C2: variants seen among roughly 807,000 people sequenced by gnomAD.
C2 encodes the protein complement C2, also known as C3/C5 convertase.
In C2, 64 loss-of-function variants were observed where a neutral mutation model predicts 85.2. The ratio of observed to expected loss-of-function variants is 0.75; its 90% CI spans 0.61 to 0.92. C2 has a LOEUF of 0.92. C2 is among the 40% of genes least tolerant of loss of function. C2 has a pLI of 0.00. For synonymous variants in C2, 311 were observed against 370.8 expected, an observed-to-expected ratio of 0.84 and a Z score of 1.85; for missense variants, 820 against 971.6, an observed-to-expected ratio of 0.84 and a Z score of 2.07.
In C2 at chr6:31,933,895, C is replaced by T. The variant is rs1413798391; in HGVS notation, c.645C>T (p.Asp215=). Residue 215 remains aspartate (D), a synonymous_variant, in exon 5 of 18, where the codon GAC becomes GAT. Coordinates refer to ENST00000299367, the MANE Select transcript of C2 (RefSeq NM_000063.6). ...RQPYSYDFPE[D]VAPALGTSFS... is the part of the protein sequence containing the mutation. The stretch of plus-strand genomic sequence containing the variant: ...CCTACTCTTATGACTTCCCTGAGGA[C>T]GTGGCCCCTGCCCTGGGCACTTCCT... 14 of 1,614,046 alleles carry T rather than the reference C, an allele frequency of 8.7e-6. No homozygotes were observed. Among genetic ancestry groups the T allele is most frequent in the African/African-American group, 2.7e-5 (2 of 74,942 alleles).
At chr6:31,917,895 G>T (rs1364861343), upstream of C2, among the ~76,000 whole-genome samples, 1 of 152,016 alleles carries the variant, frequency 6.6e-6, no homozygotes, top group East Asian at 1.9e-4. Context: ...GACACAAAGA[G>T]ACTCTATCTG....
In C2 at chr6:31,944,041, G is replaced by T; in HGVS notation, c.1810+48G>T. ...CTTGAGAGCTGGGGCCGGGGTTTGG[G>T]GGTGATAACAAGGACTAGGCTGCAG... On this transcript the variant is annotated intron_variant, in intron 14 of 17. Coordinates refer to ENST00000299367, the MANE Select transcript of C2 (RefSeq NM_000063.6). This position sits in a 1 kb window ranked among gnomAD's most constrained non-coding sequence, Gnocchi z 5.1. The T allele has an allele frequency of 1.2e-6, 2 of 1,604,382 alleles. No individual in the cohort carries two copies. The highest frequency in any genetic ancestry group is 1.7e-6 in the Non-Finnish European group (2 of 1,172,176).
At chr6:31,900,277 C>T (rs754946559), upstream of C2, 1 of 1,613,388 alleles carries the variant, frequency 6.2e-7, no homozygotes, top group African/African-American at 1.3e-5. This position sits in a 1 kb window ranked among gnomAD's most constrained non-coding sequence, Gnocchi z 9.7. Context: ...TCTCCACGCC[C>T]TGGAACACTT....
upstream of C2, among the ~76,000 whole-genome samples, chr6:31,923,230 G>A (rs563848681): frequency 5.9e-5 from 9 of 152,326 alleles, no homozygotes; most frequent in Admixed American, 5.2e-4. Flanking sequence ...TTCCACATTC[G>A]ACTGGGCCTC....
chr6:31,928,140 T>C lies in C2; in HGVS notation c.232T>C (p.Ser78Pro), dbSNP rs1203850452. ...GQWQTPGATR[S>P]LSKAVCKPVR... Reference sequence around the variant, plus strand: ...GTGGCAGACCCCAGGAGCCACCCGGTCTCTGTCTAAGGCGGTCTGCAAACG... The same window carrying C: ...GTGGCAGACCCCAGGAGCCACCCGGCCTCTGTCTAAGGCGGTCTGCAAACG... The change falls in exon 2 of 18, where the codon TCT becomes CCT. Residue 78 changes from serine (S) to proline (P), a missense_variant. By Grantham distance (74) the Ser-to-Pro change is moderately conservative. Coordinates refer to ENST00000299367, the MANE Select transcript of C2 (RefSeq NM_000063.6). 1 of 1,611,866 alleles carries C rather than the reference T, an allele frequency of 6.2e-7. No individual in the cohort carries two copies. Among genetic ancestry groups the C allele is most frequent in the South Asian group, 1.1e-5 (1 of 90,952 alleles).
chr6:31,935,881 G>C lies in C2; in HGVS notation c.850-42G>C, dbSNP rs1770365085. On this transcript the variant is annotated intron_variant, in intron 6 of 17. Transcript: ENST00000299367. This position sits in a 1 kb window ranked among gnomAD's most constrained non-coding sequence, Gnocchi z 4.3. ...TTGCTCTCTTACCATCTCCCCTTTG[G>C]CTTCAGGGCCCTTTACGCTGCCTCT... 4.3e-6 allele frequency: 7 copies of C among 1,610,466 alleles called. No individual in the cohort carries two copies. The highest frequency in any genetic ancestry group is 5.9e-6 in the Non-Finnish European group (7 of 1,179,226).
chr6:31,901,256 G>A, intron 1 of C2: 1 of 1,612,816 alleles, frequency 6.2e-7, no homozygotes, highest in Non-Finnish European at 8.5e-7. Context: ...TAGCGTTGCG[G>A]CCTCGTGGCC....
intron 7 of C2, 41 bp downstream of exon 7, chr6:31,936,102 A>C: frequency 6.2e-7 from 1 of 1,608,472 alleles, no homozygotes; most frequent in Middle Eastern, 1.7e-4. Context: ...AGAGGAGAAG[A>C]TGGACCCTCT....
In C2 at chr6:31,944,818, G is replaced by A; in HGVS notation, c.1994G>A (p.Cys665Tyr). The A allele has an allele frequency of 6.2e-7, 1 of 1,613,106 alleles. No individual in the cohort carries two copies. The highest frequency in any genetic ancestry group is 1.1e-5 in the South Asian group (1 of 91,086). Residue 665 changes from cysteine to tyrosine, a missense_variant, in exon 16 of 18, where the codon TGC becomes TAC. Coordinates refer to ENST00000299367, the MANE Select transcript of C2 (RefSeq NM_000063.6). The surrounding 1 kb of genome is among the most constrained non-coding windows in gnomAD (Gnocchi z 5.1). ...GAGGTGGTGACAGACCAGTTCCTAT[G>A]CAGTGGGACCCAGGAGGATGAGAGT... ...VREVVTDQFL[C>Y]SGTQEDESPC...
chr6:31,931,985 G>A (rs9267686), intron 3 of C2, among the ~76,000 whole-genome samples: 8 of 121,936 alleles, frequency 6.6e-5, no homozygotes, highest in East Asian at 3.0e-4. Flanking sequence ...CTGGCCGGGC[G>A]GGGGGCTGAC....
upstream of C2, among the ~76,000 whole-genome samples, chr6:31,918,258 C>A (rs191611995): frequency 6.6e-6 from 1 of 151,682 alleles, no homozygotes; most frequent in African/African-American, 2.4e-5. Context: ...GCACTCCAGC[C>A]TGGGCAACAA....
At chr6:31,919,669 G>C (rs1768827673), upstream of C2, among the ~76,000 whole-genome samples, 1 of 151,966 alleles carries the variant, frequency 6.6e-6, no homozygotes, top group Admixed American at 6.6e-5. Flanking sequence ...TTGCATAAAT[G>C]GTGGCATCCC....
chr6:31,934,611 A>C, intron 6 of C2: 1 of 1,393,772 alleles, frequency 7.2e-7, no homozygotes, highest in Non-Finnish European at 9.3e-7. Flanking sequence ...CACAGGAGTG[A>C]AGCAGAAAAA....
intron 7 of C2, chr6:31,936,927 C>A: frequency 4.6e-6 from 1 of 216,476 alleles, no homozygotes; most frequent in Non-Finnish European, 9.3e-6. Flanking sequence ...ATTGCATTTC[C>A]AGGCCGGGTG....
At chr6:31,901,441 A>G (rs1767258522) in intron 1 of C2, 2 of 1,011,090 alleles carry the variant, frequency 2.0e-6, no homozygotes, top group Non-Finnish European at 2.8e-6. Flanking sequence ...CCCGGTCTTC[A>G]GATTTCTTCC....
intron 1 of C2, among the ~76,000 whole-genome samples, chr6:31,909,796 C>A (rs1214009564): frequency 6.6e-6 from 1 of 151,954 alleles, no homozygotes; most frequent in African/African-American, 2.4e-5. Flanking sequence ...AGCAGCTGCA[C>A]CATTTTATGT....
chr6:31,935,405 G>A lies in C2; in HGVS notation c.850-518G>A, dbSNP rs1215693633. The A allele has an allele frequency of 1.3e-5, 2 of 155,368 alleles. No individual in the cohort carries two copies. Among genetic ancestry groups the A allele is most frequent in the African/African-American group, 4.8e-5 (2 of 41,442 alleles). 9.6% of individuals were successfully genotyped at this position (155,368 alleles called of 1,614,324 possible). A position where few individuals can be genotyped will look rare whatever the true frequency, so the allele number is the denominator to read the frequency against. ...TCACAGGGTGGAGTGAAGAGAGTCT[G>A]TCAAAGAGAAAGATGTTCAACAAAG... On this transcript the variant is annotated intron_variant, in intron 6 of 17. Transcript: ENST00000299367. This position sits in a 1 kb window ranked among gnomAD's most constrained non-coding sequence, Gnocchi z 4.3.
chr6:31,934,270 A>AGG lies in C2; in HGVS notation c.820_821insGG (p.Lys274ArgfsTer19). On this transcript the variant is annotated frameshift_variant, in exon 6 of 18. Transcript: ENST00000299367. LOFTEE classifies it high-confidence loss of function. Reference sequence around the variant, plus strand: ...GTCGGAAAATGACTTTCTCATCTTCAAGGAGAGCGCCTCCCTCATGGTGGA... The same window carrying AGG: ...GTCGGAAAATGACTTTCTCATCTTCAGGAGGAGAGCGCCTCCCTCATGGTGGA... 1 of 1,614,108 alleles carries AGG rather than the reference A, an allele frequency of 6.2e-7. No homozygotes were observed. The highest frequency in any genetic ancestry group is 1.1e-5 in the South Asian group (1 of 91,082).
At chr6:31,914,002 C>T (rs1213423808) in intron 1 of C2, among the ~76,000 whole-genome samples, 1 of 151,334 alleles carries the variant, frequency 6.6e-6, no homozygotes, top group East Asian at 2.0e-4. Flanking sequence ...CTGCAACCTG[C>T]GATCCGACTC....
Sources: allele counts gnomAD v4.1 joint callset (sites outside exome capture counted in the v4.1 genomes callset), GRCh38; gene constraint gnomAD v4.1.1; non-coding constraint Gnocchi (gnomAD v3.1); transcripts MANE v1.5; gene names NCBI Gene and HGNC (gene_info 2026-07-23, HGNC 2026-07-21).